Variants in DCX observed in about 807,000 individuals in gnomAD.
The protein encoded by DCX is neuronal migration protein doublecortin.
Under a neutral mutation model 20.9 loss-of-function variants are expected in DCX, and 4 were observed. The observed-to-expected ratio is 0.19, with a 90% confidence interval of 0.09 to 0.44. The LOEUF (loss-of-function observed/expected upper bound fraction) is 0.44, where lower values mean the gene tolerates loss of function less well. DCX is among the 20% of genes least tolerant of loss of function. The pLI is 0.99. For missense variants in DCX, 133 were observed against 296.9 expected, an observed-to-expected ratio of 0.45 and a Z score of 4.06; for synonymous variants, 103 against 111.4, an observed-to-expected ratio of 0.92 and a Z score of 0.47.
intron 5 of DCX, among the ~76,000 whole-genome samples, chrX:111,327,563 T>C (rs1289234450): frequency 8.9e-6 from 1 of 112,166 alleles, no homozygotes; most frequent in African/African-American, 3.2e-5. Flanking sequence ...CAATGGAAAA[T>C]TATCCTTATC....
chrX:111,303,368 A>G (rs1410013035), intron 6 of DCX, among the ~76,000 whole-genome samples: 1 of 110,234 alleles, frequency 9.1e-6, no homozygotes, highest in African/African-American at 3.3e-5. Context: ...CTTTTGTATC[A>G]TAAGGACAAG....
At chrX:111,400,688 C>G (rs1381845093) in intron 3 of DCX, among the ~76,000 whole-genome samples, 1 of 112,297 alleles carries the variant, frequency 8.9e-6, no homozygotes, top group Admixed American at 9.4e-5. Context: ...TAGCTAAATT[C>G]ATATTCATAA....
At chrX:111,396,086 G>A (rs144086345) in intron 3 of DCX, among the ~76,000 whole-genome samples, 5 of 112,349 alleles carry the variant, frequency 4.5e-5, no homozygotes, top group East Asian at 2.8e-4. Context: ...GTATGGCAAC[G>A]TGGAAAGGGC....
At chrX:111,334,781 A>T (rs184326734) in intron 3 of DCX, among the ~76,000 whole-genome samples, 2 of 112,170 alleles carry the variant, frequency 1.8e-5, no homozygotes, top group East Asian at 5.6e-4. Flanking sequence ...TGGAGCTCAC[A>T]GTCTGATGAG....
chrX:111,393,896 T>A (rs757395774), intron 3 of DCX, among the ~76,000 whole-genome samples: 9 of 110,601 alleles, frequency 8.1e-5, no homozygotes, highest in African/African-American at 2.9e-4. Flanking sequence ...ACAATACGAA[T>A]AAGGATGGAA....
intron 3 of DCX, among the ~76,000 whole-genome samples, chrX:111,386,360 T>C: frequency 9.1e-6 from 1 of 110,496 alleles, no homozygotes. Flanking sequence ...AGTTATTTCC[T>C]CTGGAGTCCA....
rs898402384 is a variant in DCX at position 111,345,725 on chromosome X, G to C, written c.706-12572C>G. On this transcript the variant is annotated intron_variant, in intron 3 of 6. Transcript: ENST00000636035. ...CTCACGCCAGTCATGCGTCTTTATAGTAGAATGATTTATAATCCTTTGGGT... is the reference window on the plus strand; with the variant it reads ...CTCACGCCAGTCATGCGTCTTTATACTAGAATGATTTATAATCCTTTGGGT... Among the ~76,000 whole-genome samples the C allele has an allele frequency of 9.9e-5, 11 of 111,516 alleles. 1 individual carries two copies. Among genetic ancestry groups the C allele is most frequent in the Non-Finnish European group, 9.4e-5 (5 of 53,003 alleles).
At chrX:111,376,807 G>A (rs11152658) in intron 3 of DCX, among the ~76,000 whole-genome samples, 6,342 of 111,330 alleles carry the variant, frequency 0.057, 371 homozygotes, top group East Asian at 0.33. Context: ...CTCTGTTCGC[G>A]TTTCTATTAC....
In DCX at chrX:111,410,315, G is replaced by A. The variant is rs762988798; in HGVS notation, c.84C>T (p.Ser28=). Residue 28 remains serine, a synonymous_variant, in exon 2 of 7, where the codon AGC becomes AGT. Transcript: ENST00000636035. The part of the protein sequence containing the change: ...MRGSRMNGLP[S]PTHSAHCSFY... ...AGCTACAGTGGGCGCTGTGAGTGGGGCTAGGCAACCCATTCATCCGGGAGC... is the reference window on the plus strand; with the variant it reads ...AGCTACAGTGGGCGCTGTGAGTGGGACTAGGCAACCCATTCATCCGGGAGC... 15 of 1,211,388 alleles carry A rather than the reference G, an allele frequency of 1.2e-5. No individual in the cohort carries two copies. In the Admixed American group the frequency reaches 1.7e-4, roughly 14 times the overall value.
At chrX:111,402,762 ATG>A (rs758124822) in intron 2 of DCX, among the ~76,000 whole-genome samples, 2,163 of 103,267 alleles carry the variant, frequency 0.021, 21 homozygotes, top group Non-Finnish European at 0.034. Flanking sequence ...GTGTGTGTGT[ATG>A]TGTGTGTGTG....
intron 5 of DCX, among the ~76,000 whole-genome samples, chrX:111,313,896 G>T: frequency 1.1e-5 from 1 of 92,335 alleles, no homozygotes; most frequent in Non-Finnish European, 2.1e-5. Context: ...GAAGAGAGAG[G>T]GGGAGGGAGA....
rs182918485 is a variant in DCX at position 111,365,496 on chromosome X, A to G, written c.706-32343T>C. Among the ~76,000 whole-genome samples, 5 of 110,139 alleles carry G rather than the reference A, an allele frequency of 4.5e-5. No homozygotes were observed. In the South Asian group the frequency reaches 1.6e-3, roughly 35 times the overall value. ...TTTCCTTTGAGTTACAAAGAATCCA[A>G]TTGCACTCTTTAAGTTATTTTAAAA... On this transcript the variant is annotated intron_variant, in intron 3 of 6. Transcript: ENST00000636035.
In DCX at chrX:111,410,914, C is replaced by A. The variant is rs746052967; in HGVS notation, c.-22-494G>T. The stretch of plus-strand genomic sequence containing the variant: ...AAGGAGCTACCCAAGGTTAGCATCT[C>A]CAGCTTAGGAAGCAGTCTTTGCATT... On this transcript the variant is annotated intron_variant, in intron 1 of 6. Coordinates refer to ENST00000636035, the MANE Select transcript of DCX (RefSeq NM_001195553.2). The A allele has an allele frequency of 2.4e-5, 29 of 1,211,416 alleles. No homozygotes were observed. Among genetic ancestry groups the A allele is most frequent in the Non-Finnish European group, 3.1e-5 (28 of 895,332 alleles).
intron 3 of DCX, among the ~76,000 whole-genome samples, chrX:111,382,407 G>C (rs775327502): frequency 1.2e-4 from 13 of 112,152 alleles, no homozygotes; most frequent in Non-Finnish European, 1.9e-4. Flanking sequence ...GCACAGCCAT[G>C]TTTGGGAAAC....
intron 3 of DCX, among the ~76,000 whole-genome samples, chrX:111,387,869 G>A (rs1015675264): frequency 9.0e-6 from 1 of 111,467 alleles, no homozygotes; most frequent in Non-Finnish European, 1.9e-5. Context: ...CAGACCCCTA[G>A]GGTCTTCCAA....
At position 111,323,603 on chromosome X, in the gene DCX, G is replaced by GTT. The variant is rs780794851; in HGVS notation, c.946+7299_946+7300dup. 8.8e-3 allele frequency among the ~76,000 whole-genome samples: 459 copies of GTT among 52,087 alleles called. 5 individuals are homozygous for GTT. Among genetic ancestry groups the GTT allele is most frequent in the African/African-American group, 9.6e-3 (131 of 13,608 alleles). The allele number at this position is 52,087 out of a possible 115,157, so 45.2% of individuals were successfully genotyped here. A position where few individuals can be genotyped will look rare whatever the true frequency, so the allele number is the denominator to read the frequency against. Reference sequence around the variant, plus strand: ...TCCTTAGGTGAAGCCTATTATTTCTGTTTTTTTTTTTTTTTTTTTTTTGCA... The same window carrying GTT: ...TCCTTAGGTGAAGCCTATTATTTCTGTTTTTTTTTTTTTTTTTTTTTTTTGCA... On this transcript the variant is annotated intron_variant, in intron 5 of 6. Transcript: ENST00000636035.
intron 3 of DCX, among the ~76,000 whole-genome samples, chrX:111,333,582 G>C (rs1185446927): frequency 8.9e-6 from 1 of 112,031 alleles, no homozygotes; most frequent in East Asian, 2.8e-4. Flanking sequence ...TGACCCAGAA[G>C]TGGAAATGTG....
intron 3 of DCX, among the ~76,000 whole-genome samples, chrX:111,347,259 G>A (rs1425680886): frequency 2.7e-5 from 3 of 111,914 alleles, no homozygotes; most frequent in Non-Finnish European, 5.6e-5. Context: ...GGAAGAGTAA[G>A]TCATAAGAGA....
chrX:111,358,123 C>T (rs1186630163), intron 3 of DCX, among the ~76,000 whole-genome samples: 5 of 111,924 alleles, frequency 4.5e-5, no homozygotes, highest in African/African-American at 1.3e-4. Flanking sequence ...CCAACGCGCC[C>T]GGCTGGAATT....
Sources: allele counts gnomAD v4.1 joint callset (sites outside exome capture counted in the v4.1 genomes callset), GRCh38; gene constraint gnomAD v4.1.1; transcripts MANE v1.5; gene names NCBI Gene and HGNC (gene_info 2026-07-23, HGNC 2026-07-21).